Variants in BNC2 observed in about 807,000 individuals in gnomAD.
BNC2 encodes zinc finger protein basonuclin-2.
BNC2 carries 20 observed loss-of-function variants against 76.3 expected under a neutral mutation model. That is an observed-to-expected ratio of 0.26 (90% CI 0.18 to 0.38). The LOEUF is 0.38. Ranked by LOEUF, BNC2 falls within the 10% of genes least tolerant of loss-of-function variation. BNC2 has a pLI of 1.00. For synonymous variants in BNC2, 582 were observed against 514.8 expected, an observed-to-expected ratio of 1.13 and a Z score of -1.77; for missense variants, 1,382 against 1,399.8, an observed-to-expected ratio of 0.99 and a Z score of 0.20.
At chr9:16,541,938 AT>A (rs1341922147) in intron 5 of BNC2, among the ~76,000 whole-genome samples, 1 of 152,192 alleles carries the variant, frequency 6.6e-6, no homozygotes, top group African/African-American at 2.4e-5. Context: ...CTCAGAGAAG[AT>A]GCAATATACG....
rs144802072 is a variant in BNC2 at position 16,844,135 on chromosome 9, T to C, written c.3+26511A>G. On this transcript the variant is annotated intron_variant, in intron 1 of 6. Coordinates refer to ENST00000380672, the MANE Select transcript of BNC2 (RefSeq NM_017637.6). ...ATAAATCTTATAAGAGTTTAGCAATTTCTCATAAGTTTTTTTTTTTACGTT... is the reference window on the plus strand; with the variant it reads ...ATAAATCTTATAAGAGTTTAGCAATCTCTCATAAGTTTTTTTTTTTACGTT... Among the ~76,000 whole-genome samples, 1,217 of 149,014 alleles carry C rather than the reference T, an allele frequency of 8.2e-3. 19 individuals are homozygous for C. Among genetic ancestry groups the C allele is most frequent in the African/African-American group, 0.028 (1,163 of 41,120 alleles).
At chr9:16,716,276 G>A (rs890039764) in intron 3 of BNC2, among the ~76,000 whole-genome samples, 10 of 152,078 alleles carry the variant, frequency 6.6e-5, no homozygotes, top group African/African-American at 2.2e-4. Context: ...TATTATCACA[G>A]CAAATATTCA....
intron 4 of BNC2, among the ~76,000 whole-genome samples, chr9:16,568,884 T>A (rs772222053): frequency 6.6e-6 from 1 of 152,178 alleles, no homozygotes; most frequent in African/African-American, 2.4e-5. Flanking sequence ...GAAAGAACTA[T>A]GTAACTGGGA....
rs116162016 is a variant in BNC2, at chr9:16,806,934, T to C, written c.3+63712A>G. Among the ~76,000 whole-genome samples, 862 of 152,334 alleles carry C rather than the reference T, an allele frequency of 5.7e-3. 8 individuals are homozygous for C. The highest frequency in any genetic ancestry group is 0.02 in the African/African-American group (830 of 41,572). The stretch of plus-strand genomic sequence containing the variant: ...ACCATCCAGAATCTGTCTTTGTCAG[T>C]GCAGCACTCACTAGGCTTTATAGTA... On this transcript the variant is annotated intron_variant, in intron 1 of 6. Transcript: ENST00000380672.
At chr9:16,691,213 T>C (rs1823150232) in intron 3 of BNC2, among the ~76,000 whole-genome samples, 1 of 152,182 alleles carries the variant, frequency 6.6e-6, no homozygotes, top group Non-Finnish European at 1.5e-5. Context: ...ATTTATTAAT[T>C]CCCACATCAG....
intron 3 of BNC2, among the ~76,000 whole-genome samples, chr9:16,595,689 G>A (rs974043519): frequency 1.3e-5 from 2 of 151,974 alleles, no homozygotes; most frequent in Non-Finnish European, 2.9e-5. Flanking sequence ...GTGCTAGTAT[G>A]CTGAAAAAAA....
chr9:16,708,454 C>G (rs1823741602), intron 3 of BNC2, among the ~76,000 whole-genome samples: 1 of 152,146 alleles, frequency 6.6e-6, no homozygotes, highest in South Asian at 2.1e-4. Context: ...TCAACCCCCT[C>G]CTCAACACAC....
intron 1 of BNC2, among the ~76,000 whole-genome samples, chr9:16,790,289 G>A (rs932372533): frequency 1.3e-5 from 2 of 152,206 alleles, no homozygotes; most frequent in African/African-American, 4.8e-5. Flanking sequence ...GAGCCACAGT[G>A]CCTGGCCATG....
chr9:16,670,793 C>G (rs1177480881), intron 3 of BNC2, among the ~76,000 whole-genome samples: 6 of 152,198 alleles, frequency 3.9e-5, no homozygotes, highest in Admixed American at 1.3e-4. Flanking sequence ...AAATTCAGAA[C>G]AGCAAATACT....
chr9:16,429,801 T>C (rs1312485564), intron 6 of BNC2: 3 of 416,296 alleles, frequency 7.2e-6, no homozygotes, highest in East Asian at 1.4e-4. Context: ...TGGTGCACAG[T>C]TCTGAAGACG....
intron 3 of BNC2, among the ~76,000 whole-genome samples, chr9:16,711,235 A>G (rs754295300): frequency 5.3e-5 from 8 of 152,180 alleles, no homozygotes; most frequent in Non-Finnish European, 2.9e-5. Context: ...TCTCGTTGAA[A>G]CTACAGAACA....
chr9:16,780,601 T>C (rs1726538985), intron 1 of BNC2, among the ~76,000 whole-genome samples: 1 of 152,054 alleles, frequency 6.6e-6, no homozygotes, highest in African/African-American at 2.4e-5. Context: ...AGGTGAATTG[T>C]ATATTATGGG....
intron 5 of BNC2, among the ~76,000 whole-genome samples, chr9:16,453,550 G>A (rs1246863421): frequency 6.6e-6 from 1 of 152,084 alleles, no homozygotes; most frequent in African/African-American, 2.4e-5. Context: ...GGTGCTCATT[G>A]TTTCCATTCA....
At chr9:16,747,638 A>T (rs891044982) in intron 1 of BNC2, among the ~76,000 whole-genome samples, 1 of 152,194 alleles carries the variant, frequency 6.6e-6, no homozygotes, top group African/African-American at 2.4e-5. Context: ...TGATTTCAAA[A>T]TATGTGCTCA....
In BNC2 at chr9:16,471,292, A is replaced by ACT. The variant is rs1175340282; in HGVS notation, c.670-33769_670-33768insAG. Among the ~76,000 whole-genome samples the ACT allele has an allele frequency of 3.7e-5, 5 of 133,760 alleles. No individual in the cohort carries two copies. The East Asian group carries it at 1.1e-3, about 29-fold the overall frequency. 87.8% of individuals were successfully genotyped at this position (133,760 alleles called of 152,430 possible). A position where few individuals can be genotyped will look rare whatever the true frequency, so the allele number is the denominator to read the frequency against. On this transcript the variant is annotated intron_variant, in intron 5 of 6. Coordinates refer to ENST00000380672, the MANE Select transcript of BNC2 (RefSeq NM_017637.6). ...CTGGGAAGTAACTAGCTTGCTTTTG[A>ACT]TTTTTTTTTTTTTTTTTTTAAGATA... is the stretch of plus-strand genomic sequence containing the variant.
intron 4 of BNC2, among the ~76,000 whole-genome samples, chr9:16,566,080 C>A (rs914862315): frequency 6.6e-6 from 1 of 152,150 alleles, no homozygotes; most frequent in Non-Finnish European, 1.5e-5. Flanking sequence ...ACTACCTTTT[C>A]TTTCCCGTTT....
At chr9:16,507,072 C>T (rs1258400975) in intron 5 of BNC2, among the ~76,000 whole-genome samples, 1 of 151,894 alleles carries the variant, frequency 6.6e-6, no homozygotes, top group African/African-American at 2.4e-5. Context: ...TCTATAAGGC[C>T]CGCCTGACCT....
chr9:16,846,422 T>C (rs1818984813), intron 1 of BNC2, among the ~76,000 whole-genome samples: 2 of 152,208 alleles, frequency 1.3e-5, no homozygotes, highest in African/African-American at 2.4e-5. Flanking sequence ...TTGTCACCAA[T>C]TCTGTGGTAT....
intron 5 of BNC2, among the ~76,000 whole-genome samples, chr9:16,539,289 G>A (rs1818227825): frequency 6.6e-6 from 1 of 152,082 alleles, no homozygotes; most frequent in African/African-American, 2.4e-5. Context: ...GCAGGCCAAG[G>A]TGGGCAGATG....
Sources: allele counts gnomAD v4.1 joint callset (sites outside exome capture counted in the v4.1 genomes callset), GRCh38; gene constraint gnomAD v4.1.1; transcripts MANE v1.5; gene names NCBI Gene and HGNC (gene_info 2026-07-23, HGNC 2026-07-21).